C10orf90: variants seen among roughly 807,000 people sequenced by gnomAD.
C10orf90 encodes chromosome 10 open reading frame 90, also known as (E2-independent) E3 ubiquitin-conjugating enzyme FATS.
Under a neutral mutation model 62.5 loss-of-function variants are expected in C10orf90, and 56 were observed. The observed-to-expected ratio is 0.90, with a 90% confidence interval of 0.72 to 1.12. C10orf90 has a LOEUF of 1.12. Among genes scored for constraint, C10orf90 ranks in the 50% most tolerant of loss-of-function variants. The pLI, the probability that C10orf90 is intolerant of heterozygous loss-of-function variation, is 0.00. For synonymous variants in C10orf90, 386 were observed against 340.4 expected, an observed-to-expected ratio of 1.13 and a Z score of -1.47; for missense variants, 970 against 880.4, an observed-to-expected ratio of 1.10 and a Z score of -1.29.
chr10:126,543,703 T>G (rs901911493), intron 2 of C10orf90, among the ~76,000 whole-genome samples: 1 of 152,214 alleles, frequency 6.6e-6, no homozygotes, highest in Non-Finnish European at 1.5e-5. Flanking sequence ...TTTCTACCAT[T>G]AGCACATATG....
chr10:126,584,407 GTCCACCTGTCCACCT>G (rs1844817151), intron 2 of C10orf90, among the ~76,000 whole-genome samples: 1 of 151,564 alleles, frequency 6.6e-6, no homozygotes, highest in East Asian at 1.9e-4. Flanking sequence ...CTGCCTGTCT[GTCCACCTGTCCACCT>G]TCCATCTGTC....
In C10orf90 at chr10:126,438,464, C is replaced by CT. The variant is rs200564506; in HGVS notation, c.2189-8615dup. The stretch of plus-strand genomic sequence containing the variant: ...ACAGGATTAAACAAATTTAAGGTGG[C>CT]TTTTTTTTTCTGTAGGACTTATCAG... On this transcript the variant is annotated intron_variant, in intron 7 of 9. Coordinates refer to ENST00000488181, the MANE Select transcript of C10orf90 (RefSeq NM_001350921.2). 1.8e-3 allele frequency among the ~76,000 whole-genome samples: 276 copies of CT among 151,340 alleles called. 2 individuals are homozygous for CT. The highest frequency in any genetic ancestry group is 5.7e-3 in the African/African-American group (235 of 41,252).
chr10:126,582,009 G>A (rs1844763005), intron 2 of C10orf90, among the ~76,000 whole-genome samples: 1 of 152,190 alleles, frequency 6.6e-6, no homozygotes, highest in Non-Finnish European at 1.5e-5. Flanking sequence ...ACCTGGGAGG[G>A]AGCAAGGGGA....
At chr10:126,472,382 T>A (rs1208840565) in intron 4 of C10orf90, among the ~76,000 whole-genome samples, 1 of 152,234 alleles carries the variant, frequency 6.6e-6, no homozygotes, top group African/African-American at 2.4e-5. Flanking sequence ...GACATATTTC[T>A]AGTACATTAA....
At chr10:126,532,588 T>A (rs968210632) in intron 2 of C10orf90, among the ~76,000 whole-genome samples, 4 of 151,700 alleles carry the variant, frequency 2.6e-5, no homozygotes, top group East Asian at 2.0e-4. Flanking sequence ...CTATAGTCCC[T>A]GCACTTTGGG....
intron 3 of C10orf90, among the ~76,000 whole-genome samples, chr10:126,505,434 A>G (rs895943527): frequency 6.6e-6 from 1 of 152,176 alleles, no homozygotes; most frequent in African/African-American, 2.4e-5. Context: ...CATATCCTCA[A>G]TGGAGAGGAA....
chr10:126,488,822 A>G (rs2133827459), intron 4 of C10orf90, among the ~76,000 whole-genome samples: 1 of 152,244 alleles, frequency 6.6e-6, no homozygotes, highest in East Asian at 1.9e-4. Flanking sequence ...GAAAGACACA[A>G]ATTGCCCAAA....
intron 2 of C10orf90, among the ~76,000 whole-genome samples, chr10:126,569,713 G>T (rs766013607): frequency 1.6e-4 from 25 of 152,152 alleles, no homozygotes; most frequent in Admixed American, 5.2e-4. Flanking sequence ...AACCTGTTGG[G>T]TGTCTATGGC....
At chr10:126,634,950 A>C (rs1845920111) in intron 2 of C10orf90, among the ~76,000 whole-genome samples, 1 of 152,182 alleles carries the variant, frequency 6.6e-6, no homozygotes, top group African/African-American at 2.4e-5. Flanking sequence ...ACTTCATCAC[A>C]CAGTGCGGCT....
chr10:126,590,660 C>T (rs922804574), intron 2 of C10orf90, among the ~76,000 whole-genome samples: 1 of 152,030 alleles, frequency 6.6e-6, no homozygotes, highest in Non-Finnish European at 1.5e-5. Context: ...AGACAACATA[C>T]CAGAATCTCG....
intron 2 of C10orf90, among the ~76,000 whole-genome samples, chr10:126,617,294 T>A (rs1845560202): frequency 6.6e-6 from 1 of 152,174 alleles, no homozygotes; most frequent in Non-Finnish European, 1.5e-5. Context: ...GAGCTTGATC[T>A]CCAGTTTTCT....
intron 1 of C10orf90, among the ~76,000 whole-genome samples, chr10:126,650,819 A>G (rs988334487): frequency 6.6e-6 from 1 of 152,230 alleles, no homozygotes; most frequent in Admixed American, 6.5e-5. Flanking sequence ...TAAGTGTCCA[A>G]GAACAAGAAA....
intron 3 of C10orf90, among the ~76,000 whole-genome samples, chr10:126,511,035 C>A (rs1250031784): frequency 6.6e-6 from 1 of 152,198 alleles, no homozygotes; most frequent in Admixed American, 6.5e-5. Flanking sequence ...CTGCAGCTTC[C>A]CACAGAAGAC....
intron 4 of C10orf90, among the ~76,000 whole-genome samples, chr10:126,473,654 T>TA (rs1333068880): frequency 2.6e-5 from 4 of 152,094 alleles, no homozygotes; most frequent in Non-Finnish European, 5.9e-5. Flanking sequence ...TTTTTATTTT[T>TA]TTTTTACAAT....
In C10orf90 at chr10:126,505,123, T is replaced by C. The variant is rs759911863; in HGVS notation, c.406-38A>G. The C allele has an allele frequency of 2.0e-5, 31 of 1,563,476 alleles. No individual in the cohort carries two copies. The African/African-American group carries it at 3.7e-4, about 19-fold the overall frequency. On this transcript the variant is annotated intron_variant, in intron 3 of 9. Coordinates refer to ENST00000488181, the MANE Select transcript of C10orf90 (RefSeq NM_001350921.2). ...AAAGATCCCGATTATTCAAGCAGTC[T>C]ATTGAAATATAGACAGTAAACTCTC... is the stretch of plus-strand genomic sequence containing the variant.
At chr10:126,597,428 T>A (rs1845109720) in intron 2 of C10orf90, among the ~76,000 whole-genome samples, 1 of 152,058 alleles carries the variant, frequency 6.6e-6, no homozygotes, top group African/African-American at 2.4e-5. Context: ...GCAGGGCAAG[T>A]GGAGAGGAGG....
At chr10:126,533,061 T>C (rs1052216537) in intron 2 of C10orf90, among the ~76,000 whole-genome samples, 3 of 150,214 alleles carry the variant, frequency 2.0e-5, no homozygotes, top group African/African-American at 7.3e-5. Flanking sequence ...GCCTCCGGAG[T>C]AGCTGGGACT....
At chr10:126,579,107 A>G (rs1411241208) in intron 2 of C10orf90, among the ~76,000 whole-genome samples, 1 of 151,852 alleles carries the variant, frequency 6.6e-6, no homozygotes, top group Non-Finnish European at 1.5e-5. Context: ...TCTTATGGGT[A>G]GACATTTAGT....
chr10:126,647,408 C>T (rs540263257), intron 1 of C10orf90, among the ~76,000 whole-genome samples: 264 of 152,322 alleles, frequency 1.7e-3, no homozygotes, highest in African/African-American at 5.9e-3. Flanking sequence ...AGTTCATGTC[C>T]CAGTCCCGAA....
Sources: allele counts gnomAD v4.1 joint callset (sites outside exome capture counted in the v4.1 genomes callset), GRCh38; gene constraint gnomAD v4.1.1; transcripts MANE v1.5; gene names NCBI Gene and HGNC (gene_info 2026-07-23, HGNC 2026-07-21).